SPTLC2: variants seen among roughly 807,000 people sequenced by gnomAD.
SPTLC2 encodes the protein serine palmitoyltransferase 2.
In SPTLC2, 21 loss-of-function variants were observed where a neutral mutation model predicts 62.0. That is an observed-to-expected ratio of 0.34 (90% CI 0.24 to 0.49). The LOEUF is 0.49. Ranked by LOEUF, SPTLC2 falls within the 20% of genes least tolerant of loss-of-function variation. The pLI, the probability that SPTLC2 is intolerant of heterozygous loss-of-function variation, is 0.99. For missense variants in SPTLC2, 511 were observed against 713.0 expected, an observed-to-expected ratio of 0.72 and a Z score of 3.23; for synonymous variants, 261 against 261.8, an observed-to-expected ratio of 1.00 and a Z score of 0.03.
chr14:77,606,288 T>C (rs866741179), intron 1 of SPTLC2, among the ~76,000 whole-genome samples: 11 of 152,250 alleles, frequency 7.2e-5, no homozygotes, highest in Middle Eastern at 3.4e-3. Context: ...CAAAACCGCG[T>C]GCCACTGCAC....
chr14:77,591,478 G>C (rs2079816133), intron 2 of SPTLC2, among the ~76,000 whole-genome samples: 2 of 152,174 alleles, frequency 1.3e-5, no homozygotes, highest in African/African-American at 4.8e-5. Context: ...TAACCTTTAT[G>C]ATATGTCAAT....
Position 77,555,384 on chromosome 14 carries a change from G to A in SPTLC2, c.1092C>T (p.Gly364=). 6.2e-7 allele frequency: 1 copy of A among 1,614,060 alleles called. No individual in the cohort carries two copies. The highest frequency in any genetic ancestry group is 8.5e-7 in the Non-Finnish European group (1 of 1,180,020). The change falls in exon 8 of 12, where the codon GGC becomes GGT. Residue 364 remains glycine, a synonymous_variant. Coordinates refer to ENST00000216484, the MANE Select transcript of SPTLC2 (RefSeq NM_004863.4). ...TAACATCCACATCCTCGGGATCCAG[G>A]CCAAAGTACTCCACCACACCCCGGC... The part of the protein sequence containing the change: ...PTGRGVVEYF[G]LDPEDVDVMM...
At chr14:77,521,277 A>G (rs2079383567) in intron 10 of SPTLC2, among the ~76,000 whole-genome samples, 169 bp downstream of exon 10, 1 of 152,272 alleles carries the variant, frequency 6.6e-6, no homozygotes, top group Admixed American at 6.5e-5. Flanking sequence ...AGAACAAATT[A>G]ACATACTTTA....
intron 9 of SPTLC2, among the ~76,000 whole-genome samples, chr14:77,549,616 C>T (rs986819156): frequency 1.4e-4 from 22 of 152,192 alleles, no homozygotes; most frequent in African/African-American, 5.1e-4. Flanking sequence ...CCCCAGACAA[C>T]AGAGCAAAGA....
chr14:77,527,262 A>G (rs1427442267), intron 9 of SPTLC2, among the ~76,000 whole-genome samples: 1 of 151,948 alleles, frequency 6.6e-6, no homozygotes, highest in African/African-American at 2.4e-5. Flanking sequence ...ATGCCTGGCT[A>G]ATTTTTTGTA....
At chr14:77,605,571 C>T (rs1046200462) in intron 1 of SPTLC2, among the ~76,000 whole-genome samples, 2 of 152,208 alleles carry the variant, frequency 1.3e-5, no homozygotes, top group African/African-American at 4.8e-5. Flanking sequence ...CCAGCCATTT[C>T]CTCTCTCTAC....
chr14:77,534,178 T>TCACACA (rs199819444), intron 9 of SPTLC2, among the ~76,000 whole-genome samples: 99 of 114,986 alleles, frequency 8.6e-4, no homozygotes, highest in African/African-American at 3.1e-3. Flanking sequence ...TCTCTCTCTC[T>TCACACA]CACACACACA....
At chr14:77,576,991 A>T in intron 3 of SPTLC2, 76 bp from the exon 4 acceptor site, 2 of 1,532,186 alleles carry the variant, frequency 1.3e-6, no homozygotes, top group Non-Finnish European at 1.8e-6. Context: ...TGAACTGGTG[A>T]CACAAAAGGA....
chr14:77,608,442 C>G (rs2079916557), intron 1 of SPTLC2, among the ~76,000 whole-genome samples: 2 of 152,112 alleles, frequency 1.3e-5, no homozygotes, highest in African/African-American at 4.8e-5. Flanking sequence ...CTAGCTTTAT[C>G]AAAACTTAAG....
intron 2 of SPTLC2, among the ~76,000 whole-genome samples, chr14:77,590,319 T>C (rs2079808980): frequency 6.6e-6 from 1 of 152,222 alleles, no homozygotes; most frequent in Non-Finnish European, 1.5e-5. Context: ...GTCTAATATG[T>C]GCCAAGCACT....
intron 6 of SPTLC2, among the ~76,000 whole-genome samples, chr14:77,559,333 T>C (rs2140024008): frequency 6.6e-6 from 1 of 151,800 alleles, no homozygotes; most frequent in South Asian, 2.1e-4. Flanking sequence ...AAAAAAGAAA[T>C]ACCTATAGCA....
chr14:77,534,083 G>C (rs1266180476), intron 9 of SPTLC2, among the ~76,000 whole-genome samples: 1 of 151,910 alleles, frequency 6.6e-6, no homozygotes, highest in African/African-American at 2.4e-5. Flanking sequence ...GCTTGAGCCT[G>C]GGTGGTAGAG....
chr14:77,534,588 T>TACACAGACAC (rs2079458996), intron 9 of SPTLC2, among the ~76,000 whole-genome samples: 1 of 141,128 alleles, frequency 7.1e-6, no homozygotes, highest in Non-Finnish European at 1.5e-5. Flanking sequence ...CATATTTCAG[T>TACACAGACAC]ACACACACAC....
intron 2 of SPTLC2, among the ~76,000 whole-genome samples, chr14:77,586,963 C>T (rs1395071314): frequency 1.3e-5 from 2 of 152,208 alleles, no homozygotes; most frequent in Non-Finnish European, 2.9e-5. Flanking sequence ...CAGTGGCTCA[C>T]ACCTGTAATC....
At chr14:77,559,576 G>GA (rs1328729963) in intron 6 of SPTLC2, among the ~76,000 whole-genome samples, 3 of 152,086 alleles carry the variant, frequency 2.0e-5, no homozygotes, top group African/African-American at 7.2e-5. Context: ...GGAAGACACT[G>GA]AAAACAAAGT....
At chr14:77,575,404 G>A (rs577609710) in intron 4 of SPTLC2, among the ~76,000 whole-genome samples, 21 of 152,252 alleles carry the variant, frequency 1.4e-4, no homozygotes, top group East Asian at 9.7e-4. Context: ...GGAGGTGGAG[G>A]AGGGCAATCC....
Position 77,616,603 on chromosome 14 carries a change from G to A in SPTLC2, c.-24C>T, listed in dbSNP as rs1302395675. On this transcript the variant is annotated 5_prime_UTR_variant, in exon 1 of 12. Transcript: ENST00000216484. ...ATCTTCCTGGCAGCACCAGGCGCAA[G>A]GCAGGCTCTGTAGGCGGTGGCAGCG... 1.3e-6 allele frequency: 2 copies of A among 1,536,476 alleles called. No individual in the cohort carries two copies. Among genetic ancestry groups the A allele is most frequent in the African/African-American group, 2.7e-5 (2 of 73,016 alleles).
chr14:77,551,034 G>A (rs1169306094), intron 9 of SPTLC2, among the ~76,000 whole-genome samples: 2 of 152,124 alleles, frequency 1.3e-5, no homozygotes, highest in African/African-American at 4.8e-5. Context: ...ACTGTAGAGT[G>A]GAGAGCTCAT....
At chr14:77,557,781 G>A (rs897791254) in intron 6 of SPTLC2, among the ~76,000 whole-genome samples, 4 of 152,132 alleles carry the variant, frequency 2.6e-5, no homozygotes, top group Non-Finnish European at 4.4e-5. Context: ...GACTTCATCA[G>A]TTGTCCATAA....
Sources: gnomAD v4.1 joint callset for allele counts (sites outside exome capture counted in the v4.1 genomes callset) on GRCh38, gnomAD v4.1.1 for gene constraint, MANE v1.5 for transcripts, NCBI Gene and HGNC (gene_info 2026-07-23, HGNC 2026-07-21) for gene names.